NFIL3: variants seen among roughly 807,000 people sequenced by gnomAD.
NFIL3 encodes the protein nuclear factor, interleukin 3 regulated, also known as nuclear factor interleukin-3-regulated protein.
Under a neutral mutation model 10.0 loss-of-function variants are expected in NFIL3, and 5 were observed. The ratio of observed to expected loss-of-function variants is 0.50; its 90% CI spans 0.26 to 1.06. The LOEUF is 1.06. Ranked by LOEUF, NFIL3 falls within the 50% of genes least tolerant of loss-of-function variation. The pLI is 0.13. For missense variants in NFIL3, 436 were observed against 547.6 expected, an observed-to-expected ratio of 0.80 and a Z score of 2.03; for synonymous variants, 202 against 206.5, an observed-to-expected ratio of 0.98 and a Z score of 0.19.
At chr9:91,424,509 G>T (rs1833844985), upstream of NFIL3, among the ~76,000 whole-genome samples, 1 of 152,172 alleles carries the variant, frequency 6.6e-6, no homozygotes, top group African/African-American at 2.4e-5. Context: ...CCGGGCAGCT[G>T]CGCAGGGCTG....
chr9:91,475,366 T>C, the NFIL3 span, among the ~76,000 whole-genome samples: 4,590 of 152,318 alleles, frequency 0.03, 97 homozygotes, highest in East Asian at 0.093. Context: ...TAAACATAAA[T>C]ATATATGTAT....
the NFIL3 span, among the ~76,000 whole-genome samples, chr9:91,460,992 A>G: frequency 6.6e-6 from 1 of 152,240 alleles, no homozygotes; most frequent in East Asian, 1.9e-4. Flanking sequence ...TTCATAAGCA[A>G]TGAGTAAGAC....
chr9:91,439,651 A>G, the NFIL3 span, among the ~76,000 whole-genome samples: 1 of 152,124 alleles, frequency 6.6e-6, no homozygotes, highest in Non-Finnish European at 1.5e-5. Context: ...TGGGGTTTGC[A>G]TACAAAATCT....
the NFIL3 span, among the ~76,000 whole-genome samples, chr9:91,460,695 G>A: frequency 6.8e-4 from 103 of 152,262 alleles, no homozygotes; most frequent in African/African-American, 2.4e-3. Flanking sequence ...CCCTGGGGGA[G>A]TTCTGCAAAG....
chr9:91,470,555 T>C, the NFIL3 span, among the ~76,000 whole-genome samples: 10 of 152,180 alleles, frequency 6.6e-5, no homozygotes, highest in Non-Finnish European at 1.5e-5. Flanking sequence ...TTTCTTGCCT[T>C]CTGCTAGCTT....
At chr9:91,424,062 CA>C (rs1188863034), upstream of NFIL3, among the ~76,000 whole-genome samples, 3 of 151,024 alleles carry the variant, frequency 2.0e-5, no homozygotes, top group African/African-American at 7.3e-5. Context: ...CGGCCAGGGC[CA>C]CCGCCGTCCG....
chr9:91,469,479 A>G, the NFIL3 span, among the ~76,000 whole-genome samples: 1 of 152,120 alleles, frequency 6.6e-6, no homozygotes, highest in African/African-American at 2.4e-5. Flanking sequence ...TCTGCAAACA[A>G]GGACAATTTG....
chr9:91,460,107 C>G, the NFIL3 span, among the ~76,000 whole-genome samples: 1 of 151,946 alleles, frequency 6.6e-6, no homozygotes, highest in Non-Finnish European at 1.5e-5. Flanking sequence ...CCACCCCCAC[C>G]ATCCACTGCT....
the NFIL3 span, among the ~76,000 whole-genome samples, chr9:91,466,686 A>G: frequency 6.6e-6 from 1 of 152,188 alleles, no homozygotes; most frequent in South Asian, 2.1e-4. Context: ...ACTTTTGGCC[A>G]TACGCAGGAT....
chr9:91,474,202 A>G, the NFIL3 span, among the ~76,000 whole-genome samples: 2 of 151,320 alleles, frequency 1.3e-5, no homozygotes, highest in Non-Finnish European at 2.9e-5. Context: ...TATTAATATG[A>G]TCTTATGGTT....
chr9:91,466,205 T>C, the NFIL3 span, among the ~76,000 whole-genome samples: 1 of 152,116 alleles, frequency 6.6e-6, no homozygotes, highest in Non-Finnish European at 1.5e-5. Flanking sequence ...GGACATCTCT[T>C]AATATTACCA....
chr9:91,447,855 T>C, the NFIL3 span, among the ~76,000 whole-genome samples: 2 of 152,344 alleles, frequency 1.3e-5, no homozygotes, highest in East Asian at 3.9e-4. Context: ...CCAATTTGTC[T>C]ATTTTTCCCT....
At chr9:91,424,915 C>T (rs1216899528), upstream of NFIL3, among the ~76,000 whole-genome samples, 1 of 152,162 alleles carries the variant, frequency 6.6e-6, no homozygotes, top group Non-Finnish European at 1.5e-5. Context: ...ACGGAAGAGA[C>T]GTAAAAAAAT....
the NFIL3 span, among the ~76,000 whole-genome samples, chr9:91,460,418 G>T: frequency 6.6e-6 from 1 of 151,692 alleles, no homozygotes; most frequent in Non-Finnish European, 1.5e-5. Flanking sequence ...GGGACTATAG[G>T]TGTGCACCAT....
Position 91,410,573 on chromosome 9 carries a change from C to T in NFIL3, c.162G>A (p.Lys54=). 1 of 1,614,182 alleles carries T rather than the reference C, an allele frequency of 6.2e-7. No individual in the cohort carries two copies. Among genetic ancestry groups the T allele is most frequent in the Non-Finnish European group, 8.5e-7 (1 of 1,180,040 alleles). The change falls in exon 2 of 2, where the codon AAG becomes AAA. Residue 54 remains lysine (K), a synonymous_variant. Transcript: ENST00000297689. The surrounding 1 kb of genome is among the most constrained non-coding windows in gnomAD (Gnocchi z 5.7). ...ELLLSEGSVG[K]NKSSACRRKR... ...TCCTCCGACATGCAGAAGATTTGTTCTTCCCCACACTTCCTTCACTGAGAA... is the reference window on the plus strand; with the variant it reads ...TCCTCCGACATGCAGAAGATTTGTTTTTCCCCACACTTCCTTCACTGAGAA...
the NFIL3 span, among the ~76,000 whole-genome samples, chr9:91,480,171 TTCTC>T: frequency 6.6e-6 from 1 of 151,748 alleles, no homozygotes. Context: ...GAGACAGAGT[TTCTC>T]TCTGTCTCCC....
At chr9:91,480,855 T>A in the NFIL3 span, among the ~76,000 whole-genome samples, 2 of 152,192 alleles carry the variant, frequency 1.3e-5, no homozygotes, top group African/African-American at 4.8e-5. Context: ...TATCCATACA[T>A]AATGCACCTT....
chr9:91,409,674 G>A lies in NFIL3; in HGVS notation c.1061C>T (p.Pro354Leu), dbSNP rs1390960598. ...EFEATQKLSS[P>L]IDMTSKRHFE... ...ATGTCTTTTAGATGTCATGTCAATA[G>A]GTGAGGAAAGTTTTTGCGTGGCCTC... The change falls in exon 2 of 2, where the codon CCT becomes CTT. Residue 354 changes from proline to leucine, a missense_variant. By Grantham distance (98) the Pro-to-Leu change is moderately conservative. This residue lies in a region of NFIL3 where 338 missense variants were observed against 399.9 expected (regional missense o/e 0.85). Coordinates refer to ENST00000297689, the MANE Select transcript of NFIL3 (RefSeq NM_005384.3). 1.1e-5 allele frequency: 17 copies of A among 1,614,098 alleles called. No homozygotes were observed. Among genetic ancestry groups the A allele is most frequent in the East Asian group, 4.5e-5 (2 of 44,900 alleles).
chr9:91,470,600 A>C, the NFIL3 span, among the ~76,000 whole-genome samples: 1 of 151,816 alleles, frequency 6.6e-6, no homozygotes, highest in Non-Finnish European at 1.5e-5. Context: ...CTAGTTTTTT[A>C]ATTGTGATGT....
Sources: allele counts gnomAD v4.1 joint callset (sites outside exome capture counted in the v4.1 genomes callset), GRCh38; gene constraint gnomAD v4.1.1; regional missense constraint gnomAD v4.1.1; non-coding constraint Gnocchi (gnomAD v3.1); transcripts MANE v1.5; gene names NCBI Gene and HGNC (gene_info 2026-07-23, HGNC 2026-07-21).